The following ANKRD36 variants were observed in gnomAD, a reference collection of about 807,000 sequenced individuals.
ANKRD36 encodes ankyrin repeat domain 36, also known as ankyrin repeat domain-containing protein 36A.
In ANKRD36, 179 loss-of-function variants were observed where a neutral mutation model predicts 278.1. That is an observed-to-expected ratio of 0.64 (90% CI 0.57 to 0.73). The LOEUF is 0.73. ANKRD36 is among the 30% of genes least tolerant of loss of function. The pLI, the probability that ANKRD36 is intolerant of heterozygous loss-of-function variation, is 0.00. For missense variants in ANKRD36, 1,159 were observed against 1,956.7 expected (o/e 0.59, Z 7.69); for synonymous variants, 320 against 641.1 (o/e 0.50, Z 7.57).
chr2:97,205,136 G>T (rs2062493030), intron 50 of ANKRD36, among the ~76,000 whole-genome samples: 1 of 151,610 alleles, frequency 6.6e-6, no homozygotes, highest in African/African-American at 2.4e-5. Context: ...GTCCTAGAGT[G>T]ATCATTTTCA....
At chr2:97,160,916 A>G (rs1271363324) in intron 17 of ANKRD36, among the ~76,000 whole-genome samples, 1 of 152,114 alleles carries the variant, frequency 6.6e-6, no homozygotes, top group Non-Finnish European at 1.5e-5. Context: ...ATAATATTCC[A>G]GAAATAAATG....
At chr2:97,227,393 G>C (rs2070189560) in intron 67 of ANKRD36, among the ~76,000 whole-genome samples, 1 of 152,116 alleles carries the variant, frequency 6.6e-6, no homozygotes, top group Non-Finnish European at 1.5e-5. Flanking sequence ...AAGCAATTGT[G>C]AATGGGAATT....
At chr2:97,178,529 G>A (rs1229275547) in intron 22 of ANKRD36, among the ~76,000 whole-genome samples, 1 of 151,650 alleles carries the variant, frequency 6.6e-6, no homozygotes, top group Non-Finnish European at 1.5e-5. Context: ...TCCTTTGAAG[G>A]GACATGGATG....
intron 6 of ANKRD36, among the ~76,000 whole-genome samples, chr2:97,133,390 A>G (rs2040674627): frequency 1.3e-5 from 2 of 152,092 alleles, no homozygotes; most frequent in African/African-American, 4.8e-5. Flanking sequence ...GCAATATTAG[A>G]TAATTATAAT....
chr2:97,172,798 G>A (rs1227886755), intron 22 of ANKRD36, among the ~76,000 whole-genome samples: 2 of 151,046 alleles, frequency 1.3e-5, no homozygotes, highest in Admixed American at 6.6e-5. Flanking sequence ...GAAACACCCC[G>A]TAAAGCCATA....
intron 20 of ANKRD36, among the ~76,000 whole-genome samples, chr2:97,167,134 A>G (rs964998937): frequency 1.3e-5 from 2 of 152,244 alleles, no homozygotes; most frequent in Non-Finnish European, 2.9e-5. Context: ...GGAAATGGAA[A>G]AACACCAGAA....
chr2:97,154,840 A>G, intron 15 of ANKRD36, 99 bp downstream of exon 15: 1 of 1,046,600 alleles, frequency 9.6e-7, no homozygotes, highest in South Asian at 1.5e-5. Flanking sequence ...TCTACCTATC[A>G]TTGTTTTATG....
At chr2:97,158,223 CTTTTTCTTTCT>C (rs2047991497) in intron 16 of ANKRD36, 56 bp downstream of exon 16, 1 of 1,236,470 alleles carries the variant, frequency 8.1e-7, no homozygotes, top group African/African-American at 1.7e-5. Context: ...TTTTTTCTTT[CTTTTTCTTTCT>C]TATTTTTTGT....
intron 40 of ANKRD36, among the ~76,000 whole-genome samples, chr2:97,195,255 C>T (rs2059448115): frequency 6.6e-6 from 1 of 151,966 alleles, no homozygotes; most frequent in South Asian, 2.1e-4. Context: ...ACAGATTTTA[C>T]AGACGTCACA....
intron 56 of ANKRD36, among the ~76,000 whole-genome samples, chr2:97,210,189 T>G (rs1197206096): frequency 3.3e-5 from 5 of 151,742 alleles, no homozygotes; most frequent in African/African-American, 7.3e-5. Context: ...GGTGGAAGGA[T>G]AAAGAGAGGA....
At chr2:97,127,926 G>A (rs890313281) in intron 6 of ANKRD36, among the ~76,000 whole-genome samples, 4 of 151,930 alleles carry the variant, frequency 2.6e-5, no homozygotes, top group African/African-American at 9.7e-5. Context: ...AAATATAAAA[G>A]TATTTATTTG....
intron 6 of ANKRD36, among the ~76,000 whole-genome samples, chr2:97,138,731 A>G (rs1290226551): frequency 3.3e-5 from 5 of 152,094 alleles, no homozygotes; most frequent in African/African-American, 4.8e-5. Context: ...CTGGTACCAA[A>G]AGAGATATAT....
chr2:97,174,431 C>G (rs1325942252), intron 22 of ANKRD36, among the ~76,000 whole-genome samples: 1 of 151,630 alleles, frequency 6.6e-6, no homozygotes, highest in Middle Eastern at 3.4e-3. Flanking sequence ...CTCTTTGTTA[C>G]CATTGGGCAC....
chr2:97,113,900 C>G lies in ANKRD36; in HGVS notation c.161C>G (p.Thr54Arg), dbSNP rs533793660. Residue 54 changes from threonine (T) to arginine (R), a missense_variant, in exon 1 of 76, where the codon ACG becomes AGG. By Grantham distance (71) the Thr-to-Arg change is moderately conservative. Transcript: ENST00000420699. ...GAGAAACTGAAGTACCTTCTGCTCA[C>G]GTATTATGACGCCAATAAGAGAGAC... is the stretch of plus-strand genomic sequence containing the variant. ...NLEKLKYLLL[T>R]YYDANKRDRK... 1.9e-6 allele frequency: 3 copies of G among 1,612,912 alleles called. No individual in the cohort carries two copies. The highest frequency in any genetic ancestry group is 2.5e-6 in the Non-Finnish European group (3 of 1,179,946).
At chr2:97,180,342 A>G (rs1347039407) in intron 24 of ANKRD36, among the ~76,000 whole-genome samples, 1 of 151,654 alleles carries the variant, frequency 6.6e-6, no homozygotes, top group Non-Finnish European at 1.5e-5. Context: ...TAAACACTGT[A>G]GAACGAGAGC....
rs1471803331 is a variant in ANKRD36 at position 97,123,164 on chromosome 2, A to T, written c.593+171A>T. Among the ~76,000 whole-genome samples the T allele has an allele frequency of 1.3e-4, 20 of 151,948 alleles. 1 individual carries two copies. The highest frequency in any genetic ancestry group is 3.3e-4 in the Admixed American group (5 of 15,176). The stretch of plus-strand genomic sequence containing the variant: ...CTTAGGTAGGAAAACAATTATTTGG[A>T]CTGAGTAACATAAAGAACAGTGTAT... On this transcript the variant is annotated intron_variant, in intron 4 of 75. Coordinates refer to ENST00000420699, the MANE Select transcript of ANKRD36 (RefSeq NM_001354587.1).
rs2046332812 is a variant in ANKRD36 at position 97,152,522 on chromosome 2, A to G, written c.1181A>G (p.Glu394Gly). ...TTAATAGTGCTTCCTCCTGTTGAAG[A>G]GGCTGTTGACAGGTATGATTTCAGA... ...SIKDVLPPVE[E>G]AVDRCLYLLD... The change falls in exon 14 of 76, where the codon GAG becomes GGG. Residue 394 changes from glutamate (E) to glycine (G), a missense_variant. Transcript: ENST00000420699. 2.7e-6 allele frequency: 4 copies of G among 1,479,894 alleles called. No individual in the cohort carries two copies. The highest frequency in any genetic ancestry group is 3.6e-6 in the Non-Finnish European group (4 of 1,099,086). The allele number at this position is 1,479,894 out of a possible 1,614,324, so 91.7% of individuals were successfully genotyped here.
rs2063845782 is a variant in ANKRD36, at chr2:97,209,711, T to A, written c.3294+2T>A. 1 of 1,584,174 alleles carries A rather than the reference T, an allele frequency of 6.3e-7. No individual in the cohort carries two copies. Among genetic ancestry groups the A allele is most frequent in the Non-Finnish European group, 8.6e-7 (1 of 1,167,362 alleles). On this transcript the variant is annotated splice_donor_variant, in intron 55 of 75. Transcript: ENST00000420699. LOFTEE classifies it high-confidence loss of function. ...TCTCGGAAAAAACCAGCCTTGAAGG[T>A]AATGAAACTCTCATTCATATTGTGA...
At chr2:97,136,611 G>A (rs1228389998) in intron 6 of ANKRD36, among the ~76,000 whole-genome samples, 1 of 151,700 alleles carries the variant, frequency 6.6e-6, no homozygotes, top group Non-Finnish European at 1.5e-5. Flanking sequence ...GCACCCATAG[G>A]AATTGATTGT....
Sources: gnomAD v4.1 joint callset for allele counts (sites outside exome capture counted in the v4.1 genomes callset) on GRCh38, gnomAD v4.1.1 for gene constraint, MANE v1.5 for transcripts, NCBI Gene and HGNC (gene_info 2026-07-23, HGNC 2026-07-21) for gene names.